Variants in C14orf39 observed in about 807,000 individuals in gnomAD.
C14orf39 encodes the protein chromosome 14 open reading frame 39, also known as protein SIX6OS1.
A neutral mutation model predicts 85.6 loss-of-function variants in C14orf39; 66 were observed. The ratio of observed to expected loss-of-function variants is 0.77; its 90% CI spans 0.63 to 0.95. The LOEUF (loss-of-function observed/expected upper bound fraction) is 0.95, where lower values mean the gene tolerates loss of function less well. Among genes scored for constraint, C14orf39 ranks in the 40% least tolerant of loss-of-function variants. The probability of loss-of-function intolerance (pLI) is 0.00; values close to 1 mark genes in which losing one functional copy is unlikely to be tolerated. For missense variants in C14orf39, 735 were observed against 663.9 expected (o/e 1.11, Z -1.18); for synonymous variants, 242 against 214.0 (o/e 1.13, Z -1.14).
Position 60,484,902 on chromosome 14 carries a change from C to A in C14orf39, c.85G>T (p.Glu29Ter). The A allele has an allele frequency of 6.4e-7, 1 of 1,568,674 alleles. No homozygotes were observed. Among genetic ancestry groups the A allele is most frequent in the Non-Finnish European group, 8.7e-7 (1 of 1,153,388 alleles). Residue 29 changes from glutamate (E) to a stop codon, truncating the protein, a stop_gained, in exon 3 of 18, where the codon GAG (glutamate) becomes TAG (stop). Transcript: ENST00000321731. LOFTEE classifies it high-confidence loss of function. The surrounding 1 kb of genome is among the most constrained non-coding windows in gnomAD (Gnocchi z 4.2). Reference sequence around the variant, plus strand: ...TTACTATTAATTCTTTGAATCATCTCTTCTTTAGTACTTATGTCTTGCTCA... The same window carrying A: ...TTACTATTAATTCTTTGAATCATCTATTCTTTAGTACTTATGTCTTGCTCA... ...QYEQDISTKE[E>*]MIQRINKCCE...
Position 60,466,970 on chromosome 14 carries a change from G to T in C14orf39, c.842C>A (p.Ser281Tyr), listed in dbSNP as rs763637139. The part of the protein sequence containing the change: ...QSSQLFLPYE[S>Y]QKLVRPIKMH... ...CTTTATTGGTCTTACTAATTTCTGA[G>T]ATTCATAAGGAAGAAATAATTGACT... Residue 281 changes from serine to tyrosine, a missense_variant, in exon 10 of 18, where the codon TCT becomes TAT. Transcript: ENST00000321731. 1 of 1,458,200 alleles carries T rather than the reference G, an allele frequency of 6.9e-7. No individual in the cohort carries two copies. Among genetic ancestry groups the T allele is most frequent in the Non-Finnish European group, 9.1e-7 (1 of 1,099,846 alleles). 90.3% of individuals were successfully genotyped at this position (1,458,200 alleles called of 1,614,324 possible).
intron 16 of C14orf39, among the ~76,000 whole-genome samples, chr14:60,450,392 G>C (rs899651915): frequency 6.6e-6 from 1 of 152,190 alleles, no homozygotes; most frequent in Non-Finnish European, 1.5e-5. Context: ...CCCACCATGA[G>C]CTGATGGTCG....
chr14:60,439,531 T>G (rs1890408246), intron 17 of C14orf39, among the ~76,000 whole-genome samples: 1 of 152,198 alleles, frequency 6.6e-6, no homozygotes, highest in African/African-American at 2.4e-5. Context: ...ATTGTTACCA[T>G]GCTCCAAACC....
intron 17 of C14orf39, among the ~76,000 whole-genome samples, chr14:60,438,155 T>C (rs1187056385): frequency 2.0e-5 from 3 of 152,028 alleles, no homozygotes; most frequent in East Asian, 1.9e-4. Flanking sequence ...TTAACTTTCA[T>C]ATATTTAATA....
At chr14:60,498,442 G>A (rs2140180050) in intron 2 of C14orf39, among the ~76,000 whole-genome samples, 1 of 152,280 alleles carries the variant, frequency 6.6e-6, no homozygotes, top group Non-Finnish European at 1.5e-5. Flanking sequence ...TATAGGAAAG[G>A]CCAGTTATCA....
At chr14:60,502,103 A>T (rs1212936906) in intron 1 of C14orf39, among the ~76,000 whole-genome samples, 1 of 152,204 alleles carries the variant, frequency 6.6e-6, no homozygotes, top group Admixed American at 6.5e-5. Flanking sequence ...TTAGTTTGAG[A>T]AACATCATTG....
chr14:60,485,320 T>C (rs940956274), intron 1 of C14orf39, among the ~76,000 whole-genome samples: 1 of 152,176 alleles, frequency 6.6e-6, no homozygotes, highest in Non-Finnish European at 1.5e-5. Flanking sequence ...CTTGAAGTTT[T>C]GGGGATGGGG....
chr14:60,467,093 CAT>C, intron 9 of C14orf39, 49 bp from the exon 10 acceptor site: 1 of 978,004 alleles, frequency 1.0e-6, no homozygotes, highest in Non-Finnish European at 1.4e-6. Flanking sequence ...TTAAAATTAA[CAT>C]ATTTTAAAGC....
intron 1 of C14orf39, among the ~76,000 whole-genome samples, chr14:60,507,979 A>G (rs1893228373): frequency 6.6e-6 from 1 of 152,154 alleles, no homozygotes; most frequent in Non-Finnish European, 1.5e-5. Flanking sequence ...TATGATGTGG[A>G]CTGCCAATTG....
At chr14:60,480,680 A>G (rs138495406) in intron 4 of C14orf39, among the ~76,000 whole-genome samples, 4 of 152,362 alleles carry the variant, frequency 2.6e-5, no homozygotes, top group African/African-American at 9.6e-5. Flanking sequence ...ATTATTCATA[A>G]TATCAAGGTA....
intron 1 of C14orf39, among the ~76,000 whole-genome samples, chr14:60,507,784 G>C (rs1893225385): frequency 6.6e-6 from 1 of 152,130 alleles, no homozygotes; most frequent in South Asian, 2.1e-4. Context: ...AGACAGTCGG[G>C]TCCAGTCCAG....
At chr14:60,467,449 C>G (rs1165835201) in intron 9 of C14orf39, among the ~76,000 whole-genome samples, 1 of 151,636 alleles carries the variant, frequency 6.6e-6, no homozygotes, top group Non-Finnish European at 1.5e-5. Flanking sequence ...ATTGTTAAAA[C>G]AGTATTATAA....
chr14:60,448,225 G>T (rs545269031), intron 16 of C14orf39, among the ~76,000 whole-genome samples: 1 of 152,114 alleles, frequency 6.6e-6, no homozygotes, highest in Non-Finnish European at 1.5e-5. Context: ...CTTGTGCACA[G>T]CAAAAGAAAC....
At chr14:60,468,385 C>A in intron 9 of C14orf39, 60 bp downstream of exon 9, 1 of 1,084,760 alleles carries the variant, frequency 9.2e-7, no homozygotes, top group South Asian at 1.7e-5. Flanking sequence ...AATATAGAAT[C>A]AAACTTTTAG....
chr14:60,445,720 C>T (rs1208000054), intron 16 of C14orf39, among the ~76,000 whole-genome samples: 4 of 152,186 alleles, frequency 2.6e-5, no homozygotes, highest in Non-Finnish European at 1.5e-5. Flanking sequence ...GCCTAATAGA[C>T]ATCTACAGTA....
intron 16 of C14orf39, among the ~76,000 whole-genome samples, chr14:60,444,711 T>C (rs1313937415): frequency 6.6e-6 from 1 of 152,126 alleles, no homozygotes; most frequent in Non-Finnish European, 1.5e-5. Context: ...ACCACAAAGA[T>C]ACTCCTCGAA....
At chr14:60,486,373 A>G (rs1246460459), upstream of C14orf39, among the ~76,000 whole-genome samples, 4 of 152,244 alleles carry the variant, frequency 2.6e-5, no homozygotes, top group African/African-American at 9.6e-5. Flanking sequence ...ATTTTGGAGT[A>G]CAACAATAAA....
rs756528483 is a variant in C14orf39, at chr14:60,471,739, T to G, written c.324A>C (p.Lys108Asn). 2 of 1,480,802 alleles carry G rather than the reference T, an allele frequency of 1.4e-6. No homozygotes were observed. The highest frequency in any genetic ancestry group is 2.5e-5 in the South Asian group (2 of 80,088). The allele number at this position is 1,480,802 out of a possible 1,614,324, so 91.7% of individuals were successfully genotyped here. Residue 108 changes from lysine (K) to asparagine (N), a missense_variant and splice_region_variant, in exon 6 of 18, where the codon AAA becomes AAC. By Grantham distance (94) the Lys-to-Asn change is moderately conservative. Transcript: ENST00000321731. The part of the protein sequence containing the change: ...TVYQGTVEKD[K>N]EMYHDYICQY... ...GACATATATAATCATGATACATTTC[T>G]CTGTTAAAATTAAAAGAAATGATGT...
At chr14:60,469,928 A>AG (rs1891990268) in intron 7 of C14orf39, among the ~76,000 whole-genome samples, 2 of 93,204 alleles carry the variant, frequency 2.1e-5, no homozygotes, top group African/African-American at 3.2e-5. Flanking sequence ...TTCACAGGGT[A>AG]GTTTTTTTTT....
Sources: gnomAD v4.1 joint callset for allele counts (sites outside exome capture counted in the v4.1 genomes callset) on GRCh38, gnomAD v4.1.1 for gene constraint, Gnocchi (gnomAD v3.1) non-coding constraint, MANE v1.5 for transcripts, NCBI Gene and HGNC (gene_info 2026-07-23, HGNC 2026-07-21) for gene names.